Variants in ZMYND12 observed in about 807,000 individuals in gnomAD.
ZMYND12 encodes the protein zinc finger MYND domain-containing protein 12.
A neutral mutation model predicts 41.7 loss-of-function variants in ZMYND12; 32 were observed. The observed-to-expected ratio is 0.77, with a 90% CI of 0.58 to 1.03. The LOEUF (loss-of-function observed/expected upper bound fraction) is 1.03, where lower values mean the gene tolerates loss of function less well. Ranked by LOEUF, ZMYND12 falls within the 50% of genes least tolerant of loss-of-function variation. The pLI is 0.00. For synonymous variants in ZMYND12, 148 were observed against 164.8 expected (o/e 0.90, Z 0.78); for missense variants, 424 against 438.5 (o/e 0.97, Z 0.30).
chr1:42,434,133 C>T (rs1642882470), intron 6 of ZMYND12, among the ~76,000 whole-genome samples: 1 of 152,204 alleles, frequency 6.6e-6, no homozygotes, highest in Non-Finnish European at 1.5e-5. Context: ...TTTGTACTCA[C>T]AGGAATGTTC....
chr1:42,435,670 C>G (rs72950511), intron 5 of ZMYND12: 2 of 265,998 alleles, frequency 7.5e-6, no homozygotes, highest in African/African-American at 2.2e-5. Flanking sequence ...AACACGAAAC[C>G]TTCACATCCT....
At chr1:42,452,151 C>T (rs945307101) in intron 1 of ZMYND12, among the ~76,000 whole-genome samples, 14 of 152,084 alleles carry the variant, frequency 9.2e-5, no homozygotes, top group Non-Finnish European at 2.1e-4. Flanking sequence ...AATACCACTT[C>T]ACTGTTTGTT....
At chr1:42,440,593 TTG>T (rs534598355) in intron 3 of ZMYND12, among the ~76,000 whole-genome samples, 41 of 151,820 alleles carry the variant, frequency 2.7e-4, no homozygotes, top group Non-Finnish European at 4.1e-4. Flanking sequence ...GATGAAAATG[TTG>T]TGGAAATAGA....
intron 3 of ZMYND12, among the ~76,000 whole-genome samples, chr1:42,445,647 G>C (rs148273819): frequency 1.3e-5 from 2 of 151,998 alleles, no homozygotes; most frequent in African/African-American, 4.8e-5. Context: ...AAGGCCGGTC[G>C]GTGTAACTGG....
rs774276881 is a variant in ZMYND12 at position 42,430,802 on chromosome 1, G to A, written c.1032C>T (p.Val344=). 6.2e-6 allele frequency: 10 copies of A among 1,614,084 alleles called. No individual in the cohort carries two copies. Among genetic ancestry groups the A allele is most frequent in the Non-Finnish European group, 8.5e-6 (10 of 1,180,034 alleles). Residue 344 remains valine, a synonymous_variant, in exon 8 of 8, where the codon GTC becomes GTT. Coordinates refer to ENST00000372565, the MANE Select transcript of ZMYND12 (RefSeq NM_032257.5). ...LSLAKEQQLD[V]HEQSTIQELL... ...ACTCTTGAATGGTGCTTTGCTCATG[G>A]ACATCAAGCTGTTGTTCTTTGGCTA...
intron 7 of ZMYND12, 104 bp from the exon 8 acceptor site, chr1:42,430,962 C>A: frequency 6.9e-7 from 1 of 1,445,574 alleles, no homozygotes; most frequent in Admixed American, 2.0e-5. Flanking sequence ...GAACTGACCA[C>A]CTTTTCACAC....
intron 3 of ZMYND12, among the ~76,000 whole-genome samples, chr1:42,441,696 C>G (rs1057065976): frequency 6.6e-6 from 1 of 151,918 alleles, no homozygotes; most frequent in Non-Finnish European, 1.5e-5. Context: ...TCTCGGCTCA[C>G]TGCAAGCTCC....
chr1:42,450,789 T>C (rs1040952052), intron 1 of ZMYND12, among the ~76,000 whole-genome samples: 2 of 152,218 alleles, frequency 1.3e-5, no homozygotes, highest in Non-Finnish European at 2.9e-5. Flanking sequence ...TATGTTGTTT[T>C]TGTTTTCATT....
In ZMYND12 at chr1:42,455,960, C is replaced by G; in HGVS notation, c.38G>C (p.Arg13Pro). ...TTCGCACACCTCACAGCAGAGTCTG[C>G]GCCCCTTGGGGACTGCCAGTGGGTA... is the stretch of plus-strand genomic sequence containing the variant. ...VIYPLAVPKG[R>P]RLCCEVCEAP... is the part of the protein sequence containing the mutation. The change falls in exon 1 of 8, where the codon CGC becomes CCC. Residue 13 changes from arginine (R) to proline (P), a missense_variant. Physicochemically the swap from Arg to Pro is moderately radical, Grantham distance 103. Coordinates refer to ENST00000372565, the MANE Select transcript of ZMYND12 (RefSeq NM_032257.5). 1.2e-6 allele frequency: 2 copies of G among 1,613,436 alleles called. No homozygotes were observed. The highest frequency in any genetic ancestry group is 1.7e-6 in the Non-Finnish European group (2 of 1,179,970).
chr1:42,440,046 A>G (rs377048214), intron 3 of ZMYND12, 21 bp from the exon 4 acceptor site: 165 of 1,581,374 alleles, frequency 1.0e-4, no homozygotes, highest in Non-Finnish European at 1.4e-4. Flanking sequence ...GCAGAAAAGA[A>G]GGTTATAATT....
chr1:42,435,469 G>T, intron 5 of ZMYND12, 84 bp from the exon 6 acceptor site: 3 of 1,075,720 alleles, frequency 2.8e-6, no homozygotes, highest in Non-Finnish European at 4.3e-6. Flanking sequence ...AGCGCATTTG[G>T]CCGGGCTTCT....
intron 4 of ZMYND12, among the ~76,000 whole-genome samples, chr1:42,438,837 T>A (rs955342122): frequency 1.3e-5 from 2 of 152,218 alleles, no homozygotes; most frequent in South Asian, 2.1e-4. Context: ...CCAACCTGCA[T>A]GGAGACTGCA....
intron 3 of ZMYND12, among the ~76,000 whole-genome samples, chr1:42,446,544 C>A (rs1480498192): frequency 1.3e-5 from 2 of 151,376 alleles, no homozygotes; most frequent in East Asian, 3.9e-4. Flanking sequence ...CCCAGCTACT[C>A]GGGAGGCTGA....
In ZMYND12 at chr1:42,455,900, A is replaced by G. The variant is rs1643167207; in HGVS notation, c.98T>C (p.Val33Ala). Residue 33 changes from valine to alanine, a missense_variant, in exon 1 of 8, where the codon GTC becomes GCC. Coordinates refer to ENST00000372565, the MANE Select transcript of ZMYND12 (RefSeq NM_032257.5). ...PAERVCAACT[V>A]TYYCGVVHQK... ...TTTCAGGGCCTACCAGTAATAAGTG[A>G]CTGTGCAGGCCGCGCACACCCGCTC... The G allele has an allele frequency of 6.2e-7, 1 of 1,612,518 alleles. No homozygotes were observed. Among genetic ancestry groups the G allele is most frequent in the Non-Finnish European group, 8.5e-7 (1 of 1,179,146 alleles).
intron 1 of ZMYND12, among the ~76,000 whole-genome samples, chr1:42,453,704 G>A (rs1643110869): frequency 6.6e-6 from 1 of 152,224 alleles, no homozygotes. Flanking sequence ...TCTTTCCCAA[G>A]CCTGAGTGGC....
At chr1:42,435,135 T>C (rs989401650) in intron 6 of ZMYND12, 139 bp downstream of exon 6, 2 of 672,596 alleles carry the variant, frequency 3.0e-6, no homozygotes, top group African/African-American at 1.8e-5. Context: ...CGTGTCTCAG[T>C]TTTCTCCATC....
intron 2 of ZMYND12, 32 bp downstream of exon 2, chr1:42,449,886 G>A (rs748250690): frequency 1.0e-5 from 16 of 1,604,812 alleles, no homozygotes; most frequent in East Asian, 2.2e-5. Flanking sequence ...CCGCACCTAC[G>A]ACTTAACCTT....
intron 3 of ZMYND12, among the ~76,000 whole-genome samples, chr1:42,443,218 G>A (rs963208581): frequency 1.3e-5 from 2 of 152,154 alleles, no homozygotes; most frequent in African/African-American, 2.4e-5. Context: ...GAGAGAGTAC[G>A]GTGAGAAGAA....
At chr1:42,451,502 A>G (rs1249968517) in intron 1 of ZMYND12, among the ~76,000 whole-genome samples, 3 of 152,234 alleles carry the variant, frequency 2.0e-5, no homozygotes, top group African/African-American at 7.2e-5. Flanking sequence ...GTAAAGGGTC[A>G]GATAAATATT....
Sources: gnomAD v4.1 joint callset for allele counts (sites outside exome capture counted in the v4.1 genomes callset) on GRCh38, gnomAD v4.1.1 for gene constraint, MANE v1.5 for transcripts, NCBI Gene and HGNC (gene_info 2026-07-23, HGNC 2026-07-21) for gene names.